RCBTB2: variants seen among roughly 807,000 people sequenced by gnomAD.
RCBTB2 encodes the protein RCC1 and BTB domain containing protein 2.
A neutral mutation model predicts 65.4 loss-of-function variants in RCBTB2; 55 were observed. That is an observed-to-expected ratio of 0.84 (90% confidence interval 0.68 to 1.05). The LOEUF is 1.05. Among genes scored for constraint, RCBTB2 ranks in the 50% least tolerant of loss-of-function variants. The probability of loss-of-function intolerance (pLI) is 0.00; values close to 1 mark genes in which losing one functional copy is unlikely to be tolerated. For missense variants in RCBTB2, 599 were observed against 680.1 expected, an observed-to-expected ratio of 0.88 and a Z score of 1.33; for synonymous variants, 220 against 255.2, an observed-to-expected ratio of 0.86 and a Z score of 1.31.
Position 48,533,026 on chromosome 13 carries a change from A to C in RCBTB2, c.-219+2T>G. The C allele has an allele frequency of 2.2e-6, 1 of 454,442 alleles. No individual in the cohort carries two copies. The highest frequency in any genetic ancestry group is 4.4e-6 in the Non-Finnish European group (1 of 226,190). 28.2% of individuals were successfully genotyped at this position (454,442 alleles called of 1,614,324 possible). On this transcript the variant is annotated splice_donor_variant, in intron 1 of 14. Coordinates refer to ENST00000344532, the MANE Select transcript of RCBTB2 (RefSeq NM_001268.4). LOFTEE classifies it low-confidence loss of function (5UTR_SPLICE). ...TCCCACACCACTCCTCCACCCTCTTACCTCCTCGCAGGCCGGAGCCTTGTC... is the reference window on the plus strand; with the variant it reads ...TCCCACACCACTCCTCCACCCTCTTCCCTCCTCGCAGGCCGGAGCCTTGTC...
chr13:48,528,431 G>T (rs1182411844), intron 1 of RCBTB2, among the ~76,000 whole-genome samples: 1 of 152,138 alleles, frequency 6.6e-6, no homozygotes, highest in Non-Finnish European at 1.5e-5. Flanking sequence ...AGAACTCTAT[G>T]CTTAAAATTA....
chr13:48,504,626 T>C (rs1360959418), intron 10 of RCBTB2, among the ~76,000 whole-genome samples: 1 of 152,156 alleles, frequency 6.6e-6, no homozygotes, highest in Non-Finnish European at 1.5e-5. Context: ...AGATGACCAG[T>C]TTCTGGCAGG....
chr13:48,501,355 G>T (rs1460017506), intron 12 of RCBTB2, among the ~76,000 whole-genome samples: 1 of 152,132 alleles, frequency 6.6e-6, no homozygotes, highest in African/African-American at 2.4e-5. Flanking sequence ...CCATCTAAAA[G>T]TACGCCACAA....
chr13:48,525,970 G>A lies in RCBTB2; in HGVS notation c.-218-1213C>T, dbSNP rs190279179. On this transcript the variant is annotated intron_variant, in intron 1 of 14. Coordinates refer to ENST00000344532, the MANE Select transcript of RCBTB2 (RefSeq NM_001268.4). ...ATTTTTTCGTGGGGAAGTTTTGGTG[G>A]AGGGAATACCAAAGATAAAAGGTCC... Among the ~76,000 whole-genome samples, 67 of 152,236 alleles carry A rather than the reference G, an allele frequency of 4.4e-4. No homozygotes were observed. The East Asian group carries it at 5.8e-3, about 13-fold the overall frequency.
At chr13:48,521,476 T>A (rs1401058821) in intron 4 of RCBTB2, among the ~76,000 whole-genome samples, 1 of 152,218 alleles carries the variant, frequency 6.6e-6, no homozygotes, top group Non-Finnish European at 1.5e-5. Context: ...GACTGTCATG[T>A]TCAGATGTGA....
chr13:48,533,148 G>A (rs1952278018), upstream of RCBTB2: 1 of 390,660 alleles, frequency 2.6e-6, no homozygotes, highest in South Asian at 1.8e-5. Context: ...TCGGCGGGAT[G>A]CGCTCGGGTG....
At position 48,511,775 on chromosome 13, in the gene RCBTB2, G is replaced by C. The variant is rs765951681; in HGVS notation, c.778C>G (p.Gln260Glu). ...RVAALQGIRV[Q>E]RVACGYAHTL... ...CAAACTGACAGTGGACGTACCCTCT[G>C]GACACGGATGCCTTGCAAAGCTGCC... The change falls in exon 9 of 15, where the codon CAG (glutamine) becomes GAG (glutamate). Residue 260 changes from glutamine (Q) to glutamate (E), a missense_variant. By Grantham distance (29) the Gln-to-Glu change is conservative. Coordinates refer to ENST00000344532, the MANE Select transcript of RCBTB2 (RefSeq NM_001268.4). 1 of 1,613,870 alleles carries C rather than the reference G, an allele frequency of 6.2e-7. No homozygotes were observed. The highest frequency in any genetic ancestry group is 1.7e-5 in the Admixed American group (1 of 59,970).
chr13:48,503,470 GT>G (rs143079901), intron 10 of RCBTB2, among the ~76,000 whole-genome samples: 1,693 of 152,208 alleles, frequency 0.011, 24 homozygotes, highest in African/African-American at 0.039. Context: ...CAGGAGAGCA[GT>G]TTCCTAGGAT....
chr13:48,533,581 T>C (rs1256458953), upstream of RCBTB2, among the ~76,000 whole-genome samples: 1 of 152,170 alleles, frequency 6.6e-6, no homozygotes, highest in Non-Finnish European at 1.5e-5. Context: ...CCCCCTGTAG[T>C]ACAAATGCTG....
intron 14 of RCBTB2, among the ~76,000 whole-genome samples, chr13:48,493,265 C>CACACACACACACACACA: frequency 9.2e-6 from 1 of 108,292 alleles, no homozygotes; most frequent in African/African-American, 9.4e-5. Context: ...ACACACTCTT[C>CACACACACACACACACA]TCTCTCTCAC....
At chr13:48,522,615 G>T (rs1239300653) in intron 2 of RCBTB2, among the ~76,000 whole-genome samples, 1 of 152,134 alleles carries the variant, frequency 6.6e-6, no homozygotes, top group African/African-American at 2.4e-5. Context: ...CAGAAGCTAT[G>T]CAATATGTCT....
Position 48,502,732 on chromosome 13 carries a change from A to T in RCBTB2, c.1109T>A (p.Leu370His). ...FATPAVTWRL[L>H]SVEPDDHLTV... is the part of the protein sequence containing the mutation. ...GACAGTGACCAGCTTACCCACGGAG[A>T]GGAGGCGCCACGTGACGGCGGGCGT... The change falls in exon 11 of 15, where the codon CTC (leucine) becomes CAC (histidine). Residue 370 changes from leucine (L) to histidine (H), a missense_variant. Coordinates refer to ENST00000344532, the MANE Select transcript of RCBTB2 (RefSeq NM_001268.4). 1 of 1,610,644 alleles carries T rather than the reference A, an allele frequency of 6.2e-7. No individual in the cohort carries two copies. Among genetic ancestry groups the T allele is most frequent in the Non-Finnish European group, 8.5e-7 (1 of 1,177,744 alleles).
In RCBTB2 at chr13:48,512,785, C is replaced by T. The variant is rs906836278; in HGVS notation, c.460G>A (p.Val154Ile). Reference sequence around the variant, plus strand: ...TAAGACCCACAGGCAACTTCAATGACTTGTTTGTTTGACAGATTAGTAGAG... The same window carrying T: ...TAAGACCCACAGGCAACTTCAATGATTTGTTTGTTTGACAGATTAGTAGAG... ...HISTNLSNKQ[V>I]IEVACGSYHS... The change falls in exon 7 of 15, where the codon GTC becomes ATC. Residue 154 changes from valine (V) to isoleucine (I), a missense_variant. Coordinates refer to ENST00000344532, the MANE Select transcript of RCBTB2 (RefSeq NM_001268.4). The T allele has an allele frequency of 6.2e-7, 1 of 1,613,926 alleles. No individual in the cohort carries two copies. Among genetic ancestry groups the T allele is most frequent in the East Asian group, 2.2e-5 (1 of 44,876 alleles).
At chr13:48,506,121 G>A (rs1045549665) in intron 10 of RCBTB2, among the ~76,000 whole-genome samples, 36 of 152,330 alleles carry the variant, frequency 2.4e-4, no homozygotes, top group African/African-American at 8.4e-4. Flanking sequence ...GGCCAGAGCC[G>A]TGGAATAAGA....
intron 12 of RCBTB2, among the ~76,000 whole-genome samples, chr13:48,500,846 T>C (rs888196994): frequency 3.3e-5 from 5 of 152,174 alleles, no homozygotes; most frequent in Non-Finnish European, 7.3e-5. Flanking sequence ...CCTTCTTTCA[T>C]GCAGGTTGAT....
chr13:48,524,887 C>A (rs1377884340), intron 1 of RCBTB2, 130 bp from the exon 2 acceptor site: 2 of 152,084 alleles, frequency 1.3e-5, no homozygotes, highest in Non-Finnish European at 2.9e-5. Flanking sequence ...TCTGTGCTAT[C>A]TACTATTAAA....
At position 48,515,699 on chromosome 13, in the gene RCBTB2, C is replaced by T. The variant is rs2138568565; in HGVS notation, c.85G>A (p.Gly29Arg). Reference protein sequence around the residue: ...TLSSLKMLDVGKWPIFSLCSE... With the variant: ...TLSSLKMLDVRKWPIFSLCSE... The stretch of plus-strand genomic sequence containing the variant: ...CAAAGGGAAAAAATTGGCCACTTTC[C>T]CACATCTAACATCTTCAAAGATGAC... Residue 29 changes from glycine to arginine, a missense_variant, in exon 5 of 15, where the codon GGA (glycine) becomes AGA (arginine). Coordinates refer to ENST00000344532, the MANE Select transcript of RCBTB2 (RefSeq NM_001268.4). The T allele has an allele frequency of 6.2e-7, 1 of 1,614,114 alleles. No homozygotes were observed. Among genetic ancestry groups the T allele is most frequent in the South Asian group, 1.1e-5 (1 of 91,038 alleles).
intron 1 of RCBTB2, chr13:48,532,329 T>G (rs933407135): frequency 3.9e-5 from 6 of 152,498 alleles, no homozygotes; most frequent in African/African-American, 1.4e-4. Flanking sequence ...CCAAAACGGC[T>G]TCGCCTAACA....
In RCBTB2 at chr13:48,501,735, T is replaced by A. The variant is rs747453879; in HGVS notation, c.1244+7A>T. 9.3e-6 allele frequency: 15 copies of A among 1,607,156 alleles called. No homozygotes were observed. Among genetic ancestry groups the A allele is most frequent in the Non-Finnish European group, 1.3e-5 (15 of 1,174,830 alleles). On this transcript the variant is annotated splice_region_variant and intron_variant, in intron 12 of 14. Coordinates refer to ENST00000344532, the MANE Select transcript of RCBTB2 (RefSeq NM_001268.4). ...TTTTCTCAATTCTCAAATAAATGATTCCTTACCGAATCTTGAGAAGGACTT... is the reference window on the plus strand; with the variant it reads ...TTTTCTCAATTCTCAAATAAATGATACCTTACCGAATCTTGAGAAGGACTT...
Sources: gnomAD v4.1 joint callset for allele counts (sites outside exome capture counted in the v4.1 genomes callset) on GRCh38, gnomAD v4.1.1 for gene constraint, MANE v1.5 for transcripts, NCBI Gene and HGNC (gene_info 2026-07-23, HGNC 2026-07-21) for gene names.